Variants in AFF3 observed in about 807,000 individuals in gnomAD.
AFF3 encodes ALF transcription elongation factor 3.
In AFF3, 32 loss-of-function variants were observed where a neutral mutation model predicts 129.7. The ratio of observed to expected loss-of-function variants is 0.25; its 90% CI spans 0.19 to 0.33. AFF3 has a LOEUF of 0.33. AFF3 is among the 10% of genes least tolerant of loss of function. The probability of loss-of-function intolerance (pLI) is 1.00; values close to 1 mark genes in which losing one functional copy is unlikely to be tolerated. For synonymous variants in AFF3, 644 were observed against 635.4 expected (o/e 1.01, Z -0.20); for missense variants, 1,373 against 1,592.0 (o/e 0.86, Z 2.34).
intron 7 of AFF3, among the ~76,000 whole-genome samples, chr2:99,944,028 T>C (rs1675323516): frequency 6.6e-6 from 1 of 151,960 alleles, no homozygotes; most frequent in South Asian, 2.1e-4. Flanking sequence ...GTCTCCCAAG[T>C]AGCTGGGACT....
chr2:99,903,958 CAT>C (rs1318079854), intron 7 of AFF3, among the ~76,000 whole-genome samples: 17 of 152,152 alleles, frequency 1.1e-4, no homozygotes, highest in Admixed American at 9.2e-4. Context: ...AATAACATCT[CAT>C]TCCTGCTTAA....
intron 7 of AFF3, among the ~76,000 whole-genome samples, chr2:99,912,417 G>A (rs1240209533): frequency 6.6e-6 from 1 of 152,254 alleles, no homozygotes; most frequent in East Asian, 1.9e-4. Flanking sequence ...CGCATAACTT[G>A]TTATAACATG....
chr2:99,695,366 A>C (rs1366493601), intron 11 of AFF3, among the ~76,000 whole-genome samples: 1 of 152,132 alleles, frequency 6.6e-6, no homozygotes, highest in Non-Finnish European at 1.5e-5. Flanking sequence ...TCATATACTC[A>C]AGGACTTCAC....
At chr2:99,845,552 G>A (rs565776945) in intron 7 of AFF3, among the ~76,000 whole-genome samples, 5 of 152,306 alleles carry the variant, frequency 3.3e-5, no homozygotes, top group East Asian at 3.9e-4. Context: ...TACTGGGGTC[G>A]TCTTTCACAC....
intron 4 of AFF3, among the ~76,000 whole-genome samples, chr2:100,044,672 T>A (rs142254677): frequency 1.3e-5 from 2 of 152,262 alleles, no homozygotes; most frequent in African/African-American, 4.8e-5. Context: ...GGCACTCGAC[T>A]GAGCCTTCAA....
At chr2:99,888,052 C>T (rs753568956) in intron 7 of AFF3, among the ~76,000 whole-genome samples, 3 of 152,166 alleles carry the variant, frequency 2.0e-5, no homozygotes, top group Admixed American at 6.5e-5. Flanking sequence ...ACTTCAGAAA[C>T]GCTGTCATAG....
At chr2:100,086,044 G>C (rs1689401504) in intron 4 of AFF3, among the ~76,000 whole-genome samples, 1 of 151,910 alleles carries the variant, frequency 6.6e-6, no homozygotes, top group East Asian at 1.9e-4. Flanking sequence ...AAGGCATCAA[G>C]ATGTCAACAC....
intron 11 of AFF3, 124 bp downstream of exon 11, chr2:99,726,953 G>A: frequency 1.2e-6 from 1 of 860,160 alleles, no homozygotes; most frequent in Non-Finnish European, 1.7e-6. Context: ...ACATTATCAT[G>A]AGAAAAGAGA....
chr2:99,963,627 CA>C (rs140675638), intron 7 of AFF3, among the ~76,000 whole-genome samples: 12 of 148,676 alleles, frequency 8.1e-5, no homozygotes, highest in East Asian at 7.9e-4. Flanking sequence ...TACTAAAAAA[CA>C]AAAAAAAACC....
intron 10 of AFF3, among the ~76,000 whole-genome samples, chr2:99,728,653 G>C (rs1679558046): frequency 6.6e-6 from 1 of 152,166 alleles, no homozygotes; most frequent in Admixed American, 6.5e-5. Context: ...TGCCAGAACA[G>C]CTATGAGGGA....
chr2:100,129,649 G>A (rs777312599), intron 1 of AFF3, among the ~76,000 whole-genome samples: 1 of 151,926 alleles, frequency 6.6e-6, no homozygotes, highest in Non-Finnish European at 1.5e-5. Flanking sequence ...TCAGGTAATC[G>A]GCACATTAAA....
chr2:100,036,036 C>T (rs373073531), intron 4 of AFF3, among the ~76,000 whole-genome samples: 1 of 150,112 alleles, frequency 6.7e-6, no homozygotes, highest in African/African-American at 2.5e-5. Context: ...TTTAATCTAC[C>T]TCTTGGCTTA....
chr2:99,809,614 GC>G (rs1686635209), intron 8 of AFF3, among the ~76,000 whole-genome samples: 1 of 152,210 alleles, frequency 6.6e-6, no homozygotes, highest in African/African-American at 2.4e-5. Context: ...CTAATTTCCA[GC>G]TGTAGGGGAT....
chr2:99,936,841 C>T (rs1674568510), intron 7 of AFF3, among the ~76,000 whole-genome samples: 1 of 152,326 alleles, frequency 6.6e-6, no homozygotes, highest in Non-Finnish European at 1.5e-5. Flanking sequence ...TCAGCTGAGA[C>T]ACCAGCCCAA....
At chr2:99,780,739 T>C (rs2105376712) in intron 8 of AFF3, among the ~76,000 whole-genome samples, 1 of 152,282 alleles carries the variant, frequency 6.6e-6, no homozygotes, top group South Asian at 2.1e-4. Context: ...TCTTGACTTC[T>C]CTCTTTCTTT....
chr2:99,703,324 C>T (rs752694155), intron 11 of AFF3, among the ~76,000 whole-genome samples: 1 of 152,202 alleles, frequency 6.6e-6, no homozygotes, highest in Non-Finnish European at 1.5e-5. Flanking sequence ...TAAGGTAACA[C>T]AATCACAGGT....
intron 8 of AFF3, among the ~76,000 whole-genome samples, chr2:99,829,068 T>C (rs1036204517): frequency 1.3e-5 from 2 of 151,988 alleles, no homozygotes; most frequent in Admixed American, 6.6e-5. Flanking sequence ...TAAACAAGAG[T>C]TAAGTTCCTA....
chr2:99,594,646 A>C (rs942512384), intron 14 of AFF3, among the ~76,000 whole-genome samples: 2 of 152,350 alleles, frequency 1.3e-5, no homozygotes, highest in South Asian at 2.1e-4. Flanking sequence ...GAAATTCCCC[A>C]AAACTCAGAG....
rs185839270 is a variant in AFF3 at position 99,713,654 on chromosome 2, G to C, written c.1091+13423C>G. Among the ~76,000 whole-genome samples the C allele has an allele frequency of 3.9e-5, 6 of 152,088 alleles. No homozygotes were observed. In the East Asian group the frequency reaches 1.2e-3, roughly 29 times the overall value. On this transcript the variant is annotated intron_variant, in intron 11 of 24. Transcript: ENST00000672756. ...AGGAGCCTGGGTGTAGAAGACAAAG[G>C]GTGGGCCCTGGGCAATTAAACAGGA...
Sources: allele counts gnomAD v4.1 joint callset (sites outside exome capture counted in the v4.1 genomes callset), GRCh38; gene constraint gnomAD v4.1.1; transcripts MANE v1.5; gene names NCBI Gene and HGNC (gene_info 2026-07-23, HGNC 2026-07-21).